The following RAD51AP1 variants were observed in gnomAD, a reference collection of about 807,000 sequenced individuals.
RAD51AP1 encodes RAD51-associated protein 1.
RAD51AP1 carries 14 observed loss-of-function variants against 34.3 expected under a neutral mutation model. The ratio of observed to expected loss-of-function variants is 0.41; its 90% confidence interval spans 0.27 to 0.64. RAD51AP1 has a LOEUF of 0.64. RAD51AP1 is among the 30% of genes least tolerant of loss of function. RAD51AP1 has a pLI of 0.33. For synonymous variants in RAD51AP1, 114 were observed against 129.8 expected (o/e 0.88, Z 0.83); for missense variants, 348 against 386.9 (o/e 0.90, Z 0.84).
rs1312640324 is a variant in RAD51AP1, at chr12:4,559,435, C to T, written c.*442C>T. The T allele has an allele frequency of 1.3e-5, 2 of 152,688 alleles. No homozygotes were observed. The highest frequency in any genetic ancestry group is 2.9e-5 in the Non-Finnish European group (2 of 68,438). The allele number at this position is 152,688 out of a possible 1,614,324, so 9.5% of individuals were successfully genotyped here. ...TTAAGCTACGTTGTCAGTTTTATCG[C>T]AAAGATGTTTTGTATTTTAGCCAAA... On this transcript the variant is annotated 3_prime_UTR_variant, in exon 9 of 9. Coordinates refer to ENST00000352618, the MANE Select transcript of RAD51AP1 (RefSeq NM_006479.5).
intron 2 of RAD51AP1, 72 bp from the exon 3 acceptor site, chr12:4,543,691 C>A: frequency 9.1e-7 from 1 of 1,101,308 alleles, no homozygotes; most frequent in Non-Finnish European, 1.3e-6. Flanking sequence ...AAAACTTGAA[C>A]ACACATGGTA....
intron 3 of RAD51AP1, chr12:4,545,774 A>C: frequency 6.2e-7 from 1 of 1,612,752 alleles, no homozygotes. Flanking sequence ...CTCCTCCTTT[A>C]ATTGCAGACT....
At position 4,559,231 on chromosome 12, in the gene RAD51AP1, T is replaced by G. The variant is rs1462164681; in HGVS notation, c.*238T>G. 2 of 397,046 alleles carry G rather than the reference T, an allele frequency of 5.0e-6. No homozygotes were observed. Among genetic ancestry groups the G allele is most frequent in the Admixed American group, 8.6e-5 (2 of 23,214 alleles). The allele number at this position is 397,046 out of a possible 1,614,324, so 24.6% of individuals were successfully genotyped here. ...ACCTTTCCTTGTGAAGAGCGTATTC[T>G]GTTTTTCTATCAGTTCGACATGAAG... On this transcript the variant is annotated 3_prime_UTR_variant, in exon 9 of 9. Coordinates refer to ENST00000352618, the MANE Select transcript of RAD51AP1 (RefSeq NM_006479.5).
In RAD51AP1 at chr12:4,541,884, AC is replaced by A; in HGVS notation, c.19del (p.His7IlefsTer26). ...TGAAAAAATTCTGTTTTGGTCATAG[AC>A]ATAAGAAACCAGTCAATTACTCACA... MVRPVR[H>X]KKPVNYSQFD... On this transcript the variant is annotated frameshift_variant and splice_region_variant, in exon 2 of 9. Coordinates refer to ENST00000352618, the MANE Select transcript of RAD51AP1 (RefSeq NM_006479.5). LOFTEE classifies it high-confidence loss of function. 3 of 1,495,004 alleles carry A rather than the reference AC, an allele frequency of 2.0e-6. No individual in the cohort carries two copies. The highest frequency in any genetic ancestry group is 2.7e-6 in the Non-Finnish European group (3 of 1,115,302). 92.6% of individuals were successfully genotyped at this position (1,495,004 alleles called of 1,614,324 possible).
chr12:4,548,959 A>G, intron 6 of RAD51AP1, 123 bp downstream of exon 6: 1 of 994,140 alleles, frequency 1.0e-6, no homozygotes, highest in Non-Finnish European at 1.5e-6. Flanking sequence ...AGGGACACAC[A>G]GAACAGTTCA....
intron 6 of RAD51AP1, 59 bp from the exon 7 acceptor site, chr12:4,552,924 A>C: frequency 7.0e-7 from 1 of 1,425,062 alleles, no homozygotes; most frequent in East Asian, 2.4e-5. Flanking sequence ...GGATAAAGTT[A>C]AGGCAACAGA....
chr12:4,543,308 G>A (rs960373156), intron 2 of RAD51AP1, among the ~76,000 whole-genome samples: 2 of 152,132 alleles, frequency 1.3e-5, no homozygotes, highest in African/African-American at 2.4e-5. Flanking sequence ...TGATCTGCCC[G>A]CCTTGGCCTC....
At chr12:4,548,875 T>C in intron 6 of RAD51AP1, 39 bp downstream of exon 6, 1 of 1,597,496 alleles carries the variant, frequency 6.3e-7, no homozygotes, top group Non-Finnish European at 8.5e-7. Context: ...TCTATGGGAA[T>C]TCAGTCAAAA....
intron 8 of RAD51AP1, among the ~76,000 whole-genome samples, chr12:4,558,614 T>C (rs1406523484): frequency 6.6e-6 from 1 of 152,204 alleles, no homozygotes; most frequent in Non-Finnish European, 1.5e-5. Flanking sequence ...GCCTTCCTTT[T>C]TCAGCTTTCA....
At chr12:4,539,531 G>A (rs1192381724) in intron 1 of RAD51AP1, among the ~76,000 whole-genome samples, 1 of 152,150 alleles carries the variant, frequency 6.6e-6, no homozygotes, top group Non-Finnish European at 1.5e-5. Flanking sequence ...AGTGTACGAG[G>A]TGCTGGAGGT....
chr12:4,545,711 C>G (rs1944501017), intron 3 of RAD51AP1: 4 of 1,555,396 alleles, frequency 2.6e-6, no homozygotes, highest in African/African-American at 1.4e-5. Context: ...TTGAATAGGA[C>G]TTTATAGTCT....
In RAD51AP1 at chr12:4,543,748, T is replaced by C; in HGVS notation, c.68-15T>C. ...AATAATATTTTTCTTTTGGTTTTAATTCACACATGAATAGATGATTTTGTT... is the reference window on the plus strand; with the variant it reads ...AATAATATTTTTCTTTTGGTTTTAACTCACACATGAATAGATGATTTTGTT... On this transcript the variant is annotated splice_polypyrimidine_tract_variant and intron_variant, in intron 2 of 8. Coordinates refer to ENST00000352618, the MANE Select transcript of RAD51AP1 (RefSeq NM_006479.5). 1 of 1,521,678 alleles carries C rather than the reference T, an allele frequency of 6.6e-7. No homozygotes were observed. Among genetic ancestry groups the C allele is most frequent in the Non-Finnish European group, 8.8e-7 (1 of 1,133,792 alleles). 94.3% of individuals were successfully genotyped at this position (1,521,678 alleles called of 1,614,324 possible).
rs1180432401 is a variant in RAD51AP1 at position 4,551,494 on chromosome 12, C to CAAAAAAA, written c.557-1478_557-1472dup. Among the ~76,000 whole-genome samples, 295 of 79,174 alleles carry CAAAAAAA rather than the reference C, an allele frequency of 3.7e-3. 9 individuals are homozygous for CAAAAAAA. Among genetic ancestry groups the CAAAAAAA allele is most frequent in the African/African-American group, 0.01 (228 of 21,986 alleles). The allele number at this position is 79,174 out of a possible 152,430, so 51.9% of individuals were successfully genotyped here. On this transcript the variant is annotated intron_variant, in intron 6 of 8. Coordinates refer to ENST00000352618, the MANE Select transcript of RAD51AP1 (RefSeq NM_006479.5). ...TGGGCGACAGAGTGAGGCTCCATCT[C>CAAAAAAA]AAAAAAAAAAAAAAAAAGCAAGATT... is the stretch of plus-strand genomic sequence containing the variant.
chr12:4,550,797 G>A (rs776821491), intron 6 of RAD51AP1, among the ~76,000 whole-genome samples: 4 of 152,190 alleles, frequency 2.6e-5, no homozygotes, highest in African/African-American at 4.8e-5. Context: ...GCGCCACCAT[G>A]CCTAACTAAT....
rs562156592 is a variant in RAD51AP1, at chr12:4,542,980, C to T, written c.68-783C>T. On this transcript the variant is annotated intron_variant, in intron 2 of 8. Transcript: ENST00000352618. ...AAAATACTACTATTGTAAAAATCCT[C>T]AAATAGGAGCTACTTTCTCTTCCCC... Among the ~76,000 whole-genome samples, 4 of 152,312 alleles carry T rather than the reference C, an allele frequency of 2.6e-5. No individual in the cohort carries two copies. In the East Asian group the frequency reaches 7.7e-4, roughly 29 times the overall value.
intron 1 of RAD51AP1, among the ~76,000 whole-genome samples, chr12:4,540,370 T>C (rs1418749653): frequency 1.3e-5 from 2 of 152,190 alleles, no homozygotes; most frequent in Non-Finnish European, 2.9e-5. Context: ...GAAACTTCTC[T>C]AGAGGTCTAT....
chr12:4,544,987 A>G (rs777530048), intron 3 of RAD51AP1, among the ~76,000 whole-genome samples: 3 of 152,180 alleles, frequency 2.0e-5, no homozygotes, highest in East Asian at 1.9e-4. Flanking sequence ...GTGCAGCTAA[A>G]TTGGAAAATG....
intron 6 of RAD51AP1, among the ~76,000 whole-genome samples, chr12:4,549,500 G>A (rs1944531088): frequency 6.6e-6 from 1 of 152,066 alleles, no homozygotes. Context: ...ACTAATATTT[G>A]AATGCTTTTT....
rs757863181 is a variant in RAD51AP1, at chr12:4,559,021, GGA to G, written c.*31_*32del. 3.1e-6 allele frequency: 5 copies of G among 1,609,768 alleles called. No individual in the cohort carries two copies. In the South Asian group the frequency reaches 5.5e-5, roughly 18 times the overall value. ...GTGGTACAGGAGGAATGTTTGGTTGGGAGAATCACAGCTTTACAAGGGTGTTT... is the reference window on the plus strand; with the variant it reads ...GTGGTACAGGAGGAATGTTTGGTTGGGAATCACAGCTTTACAAGGGTGTTT... On this transcript the variant is annotated 3_prime_UTR_variant, in exon 9 of 9. Coordinates refer to ENST00000352618, the MANE Select transcript of RAD51AP1 (RefSeq NM_006479.5).
Sources: gnomAD v4.1 joint callset for allele counts (sites outside exome capture counted in the v4.1 genomes callset) on GRCh38, gnomAD v4.1.1 for gene constraint, MANE v1.5 for transcripts, NCBI Gene and HGNC (gene_info 2026-07-23, HGNC 2026-07-21) for gene names.